OLFM2: variants seen among roughly 807,000 people sequenced by gnomAD.
OLFM2 encodes the protein olfactomedin 2, also known as noelin-2.
In OLFM2, 20 loss-of-function variants were observed where a neutral mutation model predicts 43.9. The observed-to-expected ratio is 0.46, with a 90% confidence interval of 0.32 to 0.66. The LOEUF is 0.66. Ranked by LOEUF, OLFM2 falls within the 30% of genes least tolerant of loss-of-function variation. The pLI, the probability that OLFM2 is intolerant of heterozygous loss-of-function variation, is 0.04. For missense variants in OLFM2, 416 were observed against 643.6 expected (o/e 0.65, Z 3.83); for synonymous variants, 268 against 278.6 (o/e 0.96, Z 0.38).
intron 1 of OLFM2, among the ~76,000 whole-genome samples, chr19:9,896,542 G>A (rs1057359331): frequency 6.6e-6 from 1 of 152,196 alleles, no homozygotes; most frequent in Admixed American, 6.5e-5. Context: ...GATTATAGGT[G>A]TGAGCCACCA....
chr19:9,936,266 G>C (rs1281378722), intron 1 of OLFM2, 38 bp downstream of exon 1: 2 of 1,526,078 alleles, frequency 1.3e-6, no homozygotes, highest in East Asian at 2.5e-5. Context: ...TCCTCTCCCG[G>C]AGCCACCCGC....
intron 1 of OLFM2, among the ~76,000 whole-genome samples, chr19:9,897,720 G>A (rs2046698866): frequency 6.6e-6 from 1 of 151,990 alleles, no homozygotes; most frequent in Non-Finnish European, 1.5e-5. Flanking sequence ...GCAGAAGCAA[G>A]AAGTCAGAAG....
intron 1 of OLFM2, among the ~76,000 whole-genome samples, chr19:9,925,265 A>G (rs2086445953): frequency 2.0e-5 from 3 of 152,148 alleles, no homozygotes; most frequent in Admixed American, 1.3e-4. Flanking sequence ...TAAACAAAAC[A>G]AAACAAAAAA....
chr19:9,918,937 G>A (rs896640615), intron 1 of OLFM2, among the ~76,000 whole-genome samples: 3 of 152,104 alleles, frequency 2.0e-5, no homozygotes, highest in Admixed American at 1.3e-4. Context: ...AAATTGGATC[G>A]GGGTGATGGC....
intron 1 of OLFM2, among the ~76,000 whole-genome samples, chr19:9,931,738 GA>G (rs2086484016): frequency 6.6e-6 from 1 of 150,842 alleles, no homozygotes; most frequent in African/African-American, 2.4e-5. Flanking sequence ...GAAATAAAAA[GA>G]AAAAGTTATT....
intron 1 of OLFM2, among the ~76,000 whole-genome samples, chr19:9,874,464 G>C (rs1202933380): frequency 1.3e-5 from 2 of 151,126 alleles, no homozygotes; most frequent in Non-Finnish European, 1.5e-5. Flanking sequence ...ATCATGCCCA[G>C]CCACCACCGG....
chr19:9,893,385 G>A (rs1195049461), intron 1 of OLFM2, among the ~76,000 whole-genome samples: 2 of 151,956 alleles, frequency 1.3e-5, no homozygotes, highest in African/African-American at 4.8e-5. Context: ...GGGTGGTCTC[G>A]AACTCCCAAC....
chr19:9,860,589 G>C (rs1001310410), intron 2 of OLFM2, 56 bp downstream of exon 2: 35 of 1,542,462 alleles, frequency 2.3e-5, no homozygotes, highest in Non-Finnish European at 2.9e-5. Flanking sequence ...CTGGAGGGCG[G>C]GGTGAGAACT....
intron 1 of OLFM2, among the ~76,000 whole-genome samples, chr19:9,934,516 G>A (rs2086504284): frequency 6.6e-6 from 1 of 151,176 alleles, no homozygotes; most frequent in South Asian, 2.1e-4. Context: ...CCCTAGCAGG[G>A]AGTGGAGGAG....
intron 1 of OLFM2, among the ~76,000 whole-genome samples, chr19:9,904,265 T>C (rs2046766592): frequency 6.6e-6 from 1 of 151,456 alleles, no homozygotes; most frequent in Non-Finnish European, 1.5e-5. Context: ...ATCTCGGCTC[T>C]ATGCAACCTC....
At chr19:9,900,988 A>AGGGAGGG (rs2046729450) in intron 1 of OLFM2, among the ~76,000 whole-genome samples, 12 of 28,396 alleles carry the variant, frequency 4.2e-4, no homozygotes, top group Admixed American at 3.6e-3. Flanking sequence ...GGAAGGAAGG[A>AGGGAGGG]AGGGAGGGAG....
rs146592924 is a variant in OLFM2 at position 9,922,033 on chromosome 19, G to A, written c.63+14271C>T. 3.9e-3 allele frequency among the ~76,000 whole-genome samples: 586 copies of A among 151,184 alleles called. 1 individual carries two copies. Among genetic ancestry groups the A allele is most frequent in the Non-Finnish European group, 6.3e-3 (428 of 67,830 alleles). On this transcript the variant is annotated intron_variant, in intron 1 of 5. Transcript: ENST00000264833. ...CGCTTGAGCCCGGGAGATCGAGGCT[G>A]CAGTGAGCCGTAATTGCACCACTGC...
intron 1 of OLFM2, among the ~76,000 whole-genome samples, chr19:9,929,708 A>T (rs543983573): frequency 3.2e-4 from 48 of 152,164 alleles, no homozygotes; most frequent in African/African-American, 1.1e-3. Flanking sequence ...GGGGCTACAA[A>T]GTCATTGCCC....
rs1425877836 is a variant in OLFM2 at position 9,863,488 on chromosome 19, C to A, written c.64-2694G>T. Among the ~76,000 whole-genome samples, 4 of 151,874 alleles carry A rather than the reference C, an allele frequency of 2.6e-5. No individual in the cohort carries two copies. The East Asian group carries it at 5.8e-4, about 22-fold the overall frequency. On this transcript the variant is annotated intron_variant, in intron 1 of 5. Transcript: ENST00000264833. ...TGATGATGGGTGGTGGCCATAGAGG[C>A]GGTAAATGGAAGATTCTGGTCCTAT...
chr19:9,902,818 C>A (rs908671976), intron 1 of OLFM2, among the ~76,000 whole-genome samples: 1 of 151,994 alleles, frequency 6.6e-6, no homozygotes, highest in Non-Finnish European at 1.5e-5. Context: ...GGATTAAAGG[C>A]ATGCACCACC....
chr19:9,877,707 G>C (rs192210722), intron 1 of OLFM2, among the ~76,000 whole-genome samples: 2 of 152,246 alleles, frequency 1.3e-5, no homozygotes, highest in East Asian at 3.9e-4. Context: ...CAACAAGAAT[G>C]ATTTTGGTCC....
At chr19:9,867,761 C>T (rs762070279) in intron 1 of OLFM2, among the ~76,000 whole-genome samples, 3 of 152,286 alleles carry the variant, frequency 2.0e-5, no homozygotes, top group African/African-American at 7.2e-5. Context: ...GCATTTTATT[C>T]GGCCAATCCA....
At chr19:9,894,413 A>AATAATAATT (rs34172574) in intron 1 of OLFM2, among the ~76,000 whole-genome samples, 2 of 103,666 alleles carry the variant, frequency 1.9e-5, no homozygotes, top group Non-Finnish European at 3.7e-5. Context: ...TAATAATAAT[A>AATAATAATT]AATAAATAAA....
At chr19:9,906,087 G>A (rs1178348337) in intron 1 of OLFM2, among the ~76,000 whole-genome samples, 2 of 152,084 alleles carry the variant, frequency 1.3e-5, no homozygotes, top group Admixed American at 1.3e-4. Context: ...ACACACAGGG[G>A]CACACACACA....
Sources: gnomAD v4.1 joint callset for allele counts (sites outside exome capture counted in the v4.1 genomes callset) on GRCh38, gnomAD v4.1.1 for gene constraint, MANE v1.5 for transcripts, NCBI Gene and HGNC (gene_info 2026-07-23, HGNC 2026-07-21) for gene names.